Variants in ZNF385D observed in about 807,000 individuals in gnomAD.
The protein encoded by ZNF385D is zinc finger protein 659.
Under a neutral mutation model 35.8 loss-of-function variants are expected in ZNF385D, and 15 were observed. That is an observed-to-expected ratio of 0.42 (90% CI 0.28 to 0.64). ZNF385D has a LOEUF of 0.64. Ranked by LOEUF, ZNF385D falls within the 30% of genes least tolerant of loss-of-function variation. The probability of loss-of-function intolerance (pLI) is 0.23; values close to 1 mark genes in which losing one functional copy is unlikely to be tolerated. For missense variants in ZNF385D, 474 were observed against 494.6 expected (o/e 0.96, Z 0.39); for synonymous variants, 212 against 186.8 (o/e 1.13, Z -1.10).
intron 5 of ZNF385D, among the ~76,000 whole-genome samples, chr3:21,434,648 G>A (rs992903428): frequency 6.6e-5 from 10 of 152,084 alleles, no homozygotes; most frequent in Non-Finnish European, 1.5e-4. Context: ...GTGGACAGAG[G>A]GGGTCAAACA....
chr3:22,363,768 T>C (rs1275044295), intron 2 of ZNF385D, among the ~76,000 whole-genome samples: 3 of 152,162 alleles, frequency 2.0e-5, no homozygotes, highest in Non-Finnish European at 4.4e-5. Flanking sequence ...GAAATTTCTC[T>C]TTACCATGAG....
intron 3 of ZNF385D, among the ~76,000 whole-genome samples, chr3:22,167,118 T>G (rs1478893930): frequency 6.6e-6 from 1 of 152,196 alleles, no homozygotes; most frequent in African/African-American, 2.4e-5. Flanking sequence ...AAAGACAGCT[T>G]AAAGCCTGAA....
At chr3:21,972,247 T>C (rs1703303700) in intron 3 of ZNF385D, among the ~76,000 whole-genome samples, 1 of 152,016 alleles carries the variant, frequency 6.6e-6, no homozygotes, top group Admixed American at 6.6e-5. Context: ...GTATCAAGTA[T>C]CTTCTTTGAC....
At chr3:22,352,569 A>AT (rs1376164805) in intron 2 of ZNF385D, among the ~76,000 whole-genome samples, 2 of 152,164 alleles carry the variant, frequency 1.3e-5, no homozygotes, top group African/African-American at 4.8e-5. Flanking sequence ...ACCCTAACAC[A>AT]TTTTTAGTGA....
At chr3:22,035,583 T>C (rs955478969) in intron 3 of ZNF385D, among the ~76,000 whole-genome samples, 3 of 152,292 alleles carry the variant, frequency 2.0e-5, no homozygotes, top group East Asian at 3.9e-4. Context: ...TTGTCTTTGA[T>C]GAATTGTCAT....
chr3:21,863,947 A>T (rs1342299926), intron 3 of ZNF385D, among the ~76,000 whole-genome samples: 1 of 152,140 alleles, frequency 6.6e-6, no homozygotes, highest in African/African-American at 2.4e-5. Context: ...CTGATTCAGC[A>T]AATCTGGGGA....
chr3:21,815,918 T>C (rs921423207), intron 3 of ZNF385D, among the ~76,000 whole-genome samples: 3 of 152,196 alleles, frequency 2.0e-5, no homozygotes, highest in Non-Finnish European at 4.4e-5. Context: ...TGAACATCGA[T>C]GCAAAAATCC....
At chr3:22,037,731 T>A (rs1245745556) in intron 3 of ZNF385D, among the ~76,000 whole-genome samples, 1 of 152,120 alleles carries the variant, frequency 6.6e-6, no homozygotes, top group Non-Finnish European at 1.5e-5. Flanking sequence ...CATTTGTCAA[T>A]TTTGGCTTTT....
chr3:21,823,176 AAAACT>A, intron 3 of ZNF385D, among the ~76,000 whole-genome samples: 1 of 152,148 alleles, frequency 6.6e-6, no homozygotes, highest in African/African-American at 2.4e-5. Flanking sequence ...ATGCTCCATA[AAAACT>A]TTAAAAGACT....
chr3:21,431,629 A>G (rs1169442552), intron 5 of ZNF385D, among the ~76,000 whole-genome samples: 4 of 152,132 alleles, frequency 2.6e-5, no homozygotes, highest in African/African-American at 9.7e-5. Flanking sequence ...TATGCCCTGT[A>G]TGGCCATGTG....
intron 3 of ZNF385D, among the ~76,000 whole-genome samples, chr3:21,887,327 G>A (rs1393656433): frequency 6.6e-6 from 1 of 152,016 alleles, no homozygotes; most frequent in Non-Finnish European, 1.5e-5. Context: ...ATTATACAAG[G>A]AAACTTAACT....
At chr3:21,815,455 A>C (rs1310387666) in intron 3 of ZNF385D, among the ~76,000 whole-genome samples, 8 of 152,232 alleles carry the variant, frequency 5.3e-5, no homozygotes, top group Non-Finnish European at 1.2e-4. Flanking sequence ...ATAAAGAAGA[A>C]AAGAGAGAAG....
chr3:22,238,256 T>A (rs899622898), intron 2 of ZNF385D, among the ~76,000 whole-genome samples: 1 of 151,054 alleles, frequency 6.6e-6, no homozygotes, highest in Non-Finnish European at 1.5e-5. Flanking sequence ...CAACTTTGCT[T>A]TTTTGGTTTT....
At chr3:21,466,014 G>A (rs1703490212) in intron 4 of ZNF385D, among the ~76,000 whole-genome samples, 1 of 152,160 alleles carries the variant, frequency 6.6e-6, no homozygotes. Flanking sequence ...TAATAGCAGA[G>A]TGGTCTACGA....
intron 3 of ZNF385D, among the ~76,000 whole-genome samples, chr3:22,011,185 C>G (rs925238215): frequency 4.0e-5 from 6 of 151,600 alleles, no homozygotes; most frequent in African/African-American, 1.5e-4. Flanking sequence ...TTTATTGTTT[C>G]TAAAATATGT....
chr3:21,757,120 C>CTT lies in ZNF385D; in HGVS notation c.326-92094_326-92093dup, dbSNP rs61226426. ...CTTTGGAGACATATGATAAATTTCT[C>CTT]TTTTTTTTTTTTTTTTTTTGTTTTC... On this transcript the variant is annotated intron_variant, in intron 3 of 5. Coordinates refer to the ZNF385D transcript ENST00000494108. 6.5e-4 allele frequency among the ~76,000 whole-genome samples: 69 copies of CTT among 106,408 alleles called. 5 individuals are homozygous for CTT. The highest frequency in any genetic ancestry group is 7.9e-4 in the Non-Finnish European group (44 of 55,646). 69.8% of individuals were successfully genotyped at this position (106,408 alleles called of 152,430 possible). A position where few individuals can be genotyped will look rare whatever the true frequency, so the allele number is the denominator to read the frequency against.
intron 3 of ZNF385D, among the ~76,000 whole-genome samples, chr3:21,839,027 A>G (rs911696605): frequency 6.6e-6 from 1 of 152,094 alleles, no homozygotes; most frequent in South Asian, 2.1e-4. Flanking sequence ...ACTGTGGCTA[A>G]AAAGATAAAA....
intron 4 of ZNF385D, among the ~76,000 whole-genome samples, chr3:21,496,594 A>G (rs1705910318): frequency 6.8e-6 from 1 of 147,908 alleles, no homozygotes; most frequent in Non-Finnish European, 1.5e-5. Context: ...ATACACACAT[A>G]TATATCTGAT....
chr3:22,171,505 A>AAGTTT (rs1163101736), intron 2 of ZNF385D, among the ~76,000 whole-genome samples: 1 of 152,190 alleles, frequency 6.6e-6, no homozygotes, highest in Non-Finnish European at 1.5e-5. Flanking sequence ...CTTTAAAAGG[A>AAGTTT]AATAGAAAAT....
Sources: allele counts gnomAD v4.1 joint callset (sites outside exome capture counted in the v4.1 genomes callset), GRCh38; gene constraint gnomAD v4.1.1; transcripts MANE v1.5; gene names NCBI Gene and HGNC (gene_info 2026-07-23, HGNC 2026-07-21).